SOX5: variants seen among roughly 807,000 people sequenced by gnomAD.
SOX5 encodes the protein SRY-box transcription factor 5.
A neutral mutation model predicts 92.0 loss-of-function variants in SOX5; 9 were observed. The observed-to-expected ratio is 0.10, with a 90% CI of 0.06 to 0.17. The LOEUF (loss-of-function observed/expected upper bound fraction) is 0.17, where lower values mean the gene tolerates loss of function less well. Ranked by LOEUF, SOX5 falls within the 10% of genes least tolerant of loss-of-function variation. SOX5 has a pLI of 1.00. For synonymous variants in SOX5, 344 were observed against 336.3 expected (o/e 1.02, Z -0.25); for missense variants, 642 against 944.5 (o/e 0.68, Z 4.20).
chr12:24,355,081 G>A (rs1954623921), intron 2 of SOX5, among the ~76,000 whole-genome samples: 1 of 152,030 alleles, frequency 6.6e-6, no homozygotes, highest in African/African-American at 2.4e-5. Context: ...ATTGTATAGA[G>A]TTGACAAACT....
intron 3 of SOX5, among the ~76,000 whole-genome samples, chr12:23,816,916 T>A (rs1406922530): frequency 6.6e-6 from 1 of 152,200 alleles, no homozygotes. Context: ...TAAACAGTTC[T>A]ACTCTCATAT....
chr12:24,281,797 C>T (rs1347364148), intron 2 of SOX5, among the ~76,000 whole-genome samples: 1 of 152,136 alleles, frequency 6.6e-6, no homozygotes, highest in African/African-American at 2.4e-5. Flanking sequence ...TATTTCATTT[C>T]TTTCTCTTTG....
At chr12:24,452,907 C>A (rs1003743637) in intron 1 of SOX5, among the ~76,000 whole-genome samples, 1 of 152,090 alleles carries the variant, frequency 6.6e-6, no homozygotes, top group African/African-American at 2.4e-5. Flanking sequence ...AATATAAGGT[C>A]ATGAAAGTTA....
rs373321233 is a variant in SOX5 at position 24,438,850 on chromosome 12, T to C, written c.-250-70211A>G. Among the ~76,000 whole-genome samples, 11 of 152,344 alleles carry C rather than the reference T, an allele frequency of 7.2e-5. No individual in the cohort carries two copies. In the East Asian group the frequency reaches 1.7e-3, roughly 24 times the overall value. ...AAATGGAATCCACTCCTGGTGAAGA[T>C]GCTGTGAACATTGTTGAAAAGGCAT... On this transcript the variant is annotated intron_variant, in intron 1 of 4. Coordinates refer to the SOX5 transcript ENST00000446891.
chr12:23,865,376 T>C (rs897059795), intron 2 of SOX5, among the ~76,000 whole-genome samples: 15 of 152,122 alleles, frequency 9.9e-5, no homozygotes, highest in Non-Finnish European at 1.2e-4. Context: ...GTCTTATTAT[T>C]TAAGAAATAC....
chr12:24,299,684 C>T (rs951433166), intron 2 of SOX5, among the ~76,000 whole-genome samples: 5 of 152,132 alleles, frequency 3.3e-5, no homozygotes, highest in Non-Finnish European at 5.9e-5. Flanking sequence ...GGCTCATGAA[C>T]GTGAATTCAT....
At chr12:24,255,562 AG>A (rs557497596) in intron 3 of SOX5, among the ~76,000 whole-genome samples, 37 of 152,184 alleles carry the variant, frequency 2.4e-4, no homozygotes, top group Non-Finnish European at 4.7e-4. Context: ...ACAAGAAGTA[AG>A]GGGGATGGAG....
intron 2 of SOX5, among the ~76,000 whole-genome samples, chr12:23,862,358 T>C (rs966925120): frequency 6.6e-6 from 1 of 152,158 alleles, no homozygotes; most frequent in African/African-American, 2.4e-5. Context: ...TTGTCTACTA[T>C]TGAAAATAGG....
chr12:24,306,513 AT>A (rs369846653), intron 2 of SOX5, among the ~76,000 whole-genome samples: 93 of 152,316 alleles, frequency 6.1e-4, no homozygotes, highest in Non-Finnish European at 8.7e-4. Context: ...AGGAAGTGCA[AT>A]CAATCTTCTT....
At chr12:24,472,152 A>G (rs768215492) in intron 1 of SOX5, among the ~76,000 whole-genome samples, 35 of 152,234 alleles carry the variant, frequency 2.3e-4, no homozygotes, top group Non-Finnish European at 4.1e-4. Flanking sequence ...AAAAACATGC[A>G]CAAGAAAGAT....
At position 23,949,554 on chromosome 12, in the gene SOX5, CTG is replaced by C. The variant is rs1945197887; in HGVS notation, c.38+8_38+9del. ...ACTTCAATATATTAGGGGGAAAAAA[CTG>C]TACTCACCTTTCAAACTCCTGAGGT... On this transcript the variant is annotated splice_region_variant and intron_variant, in intron 1 of 14. Coordinates refer to ENST00000451604, the MANE Select transcript of SOX5 (RefSeq NM_006940.6). 1.2e-6 allele frequency: 2 copies of C among 1,613,592 alleles called. No homozygotes were observed. Among genetic ancestry groups the C allele is most frequent in the African/African-American group, 1.3e-5 (1 of 75,022 alleles).
At chr12:23,819,513 G>T (rs1488618574) in intron 3 of SOX5, among the ~76,000 whole-genome samples, 1 of 151,572 alleles carries the variant, frequency 6.6e-6, no homozygotes, top group African/African-American at 2.4e-5. Flanking sequence ...GTGTCATGGT[G>T]GTTTGCTGCA....
At chr12:23,629,593 A>G (rs930911582) in intron 8 of SOX5, among the ~76,000 whole-genome samples, 3 of 152,118 alleles carry the variant, frequency 2.0e-5, no homozygotes, top group South Asian at 4.1e-4. Context: ...ATAAAAGTCA[A>G]TGGTACTATC....
chr12:24,367,249 A>G lies in SOX5; in HGVS notation c.-174+1314T>C, dbSNP rs373172990. On this transcript the variant is annotated intron_variant, in intron 2 of 4. Transcript: ENST00000446891. ...TGAGTATTTTAAATTAAATGAATAGATTAATAAACATCTTTGGAATATCCA... is the reference window on the plus strand; with the variant it reads ...TGAGTATTTTAAATTAAATGAATAGGTTAATAAACATCTTTGGAATATCCA... Among the ~76,000 whole-genome samples, 15 of 152,290 alleles carry G rather than the reference A, an allele frequency of 9.8e-5. No individual in the cohort carries two copies. The East Asian group carries it at 2.5e-3, about 25-fold the overall frequency.
At chr12:24,339,387 G>A (rs1281145900) in intron 2 of SOX5, among the ~76,000 whole-genome samples, 11 of 152,070 alleles carry the variant, frequency 7.2e-5, no homozygotes, top group African/African-American at 2.7e-4. Flanking sequence ...TAAGCAGAGG[G>A]TACAACATGT....
chr12:24,023,932 A>G (rs1243920848), intron 4 of SOX5, among the ~76,000 whole-genome samples: 3 of 152,034 alleles, frequency 2.0e-5, no homozygotes, highest in Non-Finnish European at 4.4e-5. Context: ...GTGGGAAACA[A>G]TGGGAATAAA....
At chr12:24,345,501 C>A (rs1953120394) in intron 2 of SOX5, among the ~76,000 whole-genome samples, 1 of 152,126 alleles carries the variant, frequency 6.6e-6, no homozygotes, top group South Asian at 2.1e-4. Flanking sequence ...ATGGATCTTC[C>A]AAACTATTTA....
chr12:23,611,860 C>T (rs74728567), intron 8 of SOX5, among the ~76,000 whole-genome samples: 299 of 151,896 alleles, frequency 2.0e-3, no homozygotes, highest in African/African-American at 7.1e-3. Flanking sequence ...TACATTTCTT[C>T]TCCCCCAAAT....
chr12:24,411,865 T>C (rs1306404914), intron 1 of SOX5, among the ~76,000 whole-genome samples: 2 of 152,222 alleles, frequency 1.3e-5, no homozygotes, highest in East Asian at 3.8e-4. Flanking sequence ...TTTCAATCCC[T>C]CTTTAAATGT....
Sources: allele counts gnomAD v4.1 joint callset (sites outside exome capture counted in the v4.1 genomes callset), GRCh38; gene constraint gnomAD v4.1.1; transcripts MANE v1.5; gene names NCBI Gene and HGNC (gene_info 2026-07-23, HGNC 2026-07-21).